The following B3GALT1 variants were observed in gnomAD, a reference collection of about 807,000 sequenced individuals.
B3GALT1 encodes UDP-Gal:betaGlcNAc beta 1,3-galactosyltransferase, polypeptide 1.
Under a neutral mutation model 23.2 loss-of-function variants are expected in B3GALT1, and 10 were observed. The ratio of observed to expected loss-of-function variants is 0.43; its 90% confidence interval spans 0.27 to 0.73. B3GALT1 has a LOEUF of 0.73. Among genes scored for constraint, B3GALT1 ranks in the 30% least tolerant of loss-of-function variants. B3GALT1 has a pLI of 0.21. For missense variants in B3GALT1, 299 were observed against 405.4 expected, an observed-to-expected ratio of 0.74 and a Z score of 2.25; for synonymous variants, 156 against 141.5, an observed-to-expected ratio of 1.10 and a Z score of -0.73.
chr2:167,856,604 G>C (rs1271130874), intron 4 of B3GALT1, among the ~76,000 whole-genome samples: 2 of 152,152 alleles, frequency 1.3e-5, no homozygotes, highest in African/African-American at 4.8e-5. Flanking sequence ...AAGCGGGAGT[G>C]AAAGAAGAGA....
At chr2:167,867,144 T>G (rs570936729) in intron 4 of B3GALT1, among the ~76,000 whole-genome samples, 1 of 152,166 alleles carries the variant, frequency 6.6e-6, no homozygotes, top group African/African-American at 2.4e-5. Context: ...GCCAGGATGG[T>G]CTCGATCTCC....
intron 2 of B3GALT1, among the ~76,000 whole-genome samples, chr2:167,556,074 T>C (rs1481222441): frequency 1.3e-5 from 2 of 152,166 alleles, no homozygotes; most frequent in Non-Finnish European, 2.9e-5. Flanking sequence ...TATTACTGAC[T>C]TGTGAATTGC....
At chr2:167,715,973 T>G in intron 3 of B3GALT1, 2 of 1,612,632 alleles carry the variant, frequency 1.2e-6, no homozygotes, top group Non-Finnish European at 1.7e-6. Flanking sequence ...TCGAATCTTG[T>G]CTCATACTCT....
At chr2:167,375,718 A>T (rs1372060595) in intron 1 of B3GALT1, among the ~76,000 whole-genome samples, 1 of 152,174 alleles carries the variant, frequency 6.6e-6, no homozygotes, top group Non-Finnish European at 1.5e-5. Flanking sequence ...AAAAGTGTTT[A>T]TCAGTTCTAA....
At chr2:167,798,665 A>G (rs190906747) in intron 3 of B3GALT1, among the ~76,000 whole-genome samples, 2 of 152,206 alleles carry the variant, frequency 1.3e-5, no homozygotes. Flanking sequence ...TACCAGTTCC[A>G]TGCTGTTTTG....
chr2:167,474,468 TCTGTATTGTTA>T (rs1358896879), intron 1 of B3GALT1, among the ~76,000 whole-genome samples: 1 of 152,144 alleles, frequency 6.6e-6, no homozygotes. Context: ...TTGTCTCTGG[TCTGTATTGTTA>T]CTGTCTTATC....
intron 2 of B3GALT1, among the ~76,000 whole-genome samples, chr2:167,549,621 G>T (rs1229014727): frequency 6.6e-6 from 1 of 151,992 alleles, no homozygotes; most frequent in East Asian, 1.9e-4. Context: ...CCCTTCCTTG[G>T]TGTGGAGACA....
At position 167,713,833 on chromosome 2, in the gene B3GALT1, A is replaced by T; in HGVS notation, c.-352+66867A>T. 4 of 1,592,978 alleles carry T rather than the reference A, an allele frequency of 2.5e-6. No homozygotes were observed. In the South Asian group the frequency reaches 4.4e-5, roughly 18 times the overall value. ...AGATGTTTCTCATTGCAAATGGAGC[A>T]TGTGGTGGACCTGGGAAATCCCTTG... On this transcript the variant is annotated intron_variant, in intron 3 of 4. Transcript: ENST00000392690.
chr2:167,669,082 G>A (rs559758107), intron 3 of B3GALT1, among the ~76,000 whole-genome samples: 20 of 151,650 alleles, frequency 1.3e-4, no homozygotes, highest in Non-Finnish European at 2.1e-4. Flanking sequence ...TATTTTTTCC[G>A]CAAAACATGT....
At chr2:167,514,682 C>T (rs1700076026) in intron 2 of B3GALT1, among the ~76,000 whole-genome samples, 1 of 152,140 alleles carries the variant, frequency 6.6e-6, no homozygotes, top group Non-Finnish European at 1.5e-5. Flanking sequence ...AAATAAACTG[C>T]ACAGAATAAT....
chr2:167,338,718 A>G (rs1337749757), intron 1 of B3GALT1, among the ~76,000 whole-genome samples: 2 of 152,126 alleles, frequency 1.3e-5, no homozygotes, highest in Non-Finnish European at 2.9e-5. Context: ...AAATATATAT[A>G]AGCCATAATG....
intron 3 of B3GALT1, among the ~76,000 whole-genome samples, chr2:167,735,517 T>C (rs767981551): frequency 8.5e-5 from 13 of 152,250 alleles, no homozygotes; most frequent in Non-Finnish European, 4.4e-5. Context: ...TTTGATAATG[T>C]GTAGAATAAT....
chr2:167,455,027 C>T (rs896667951), intron 1 of B3GALT1, among the ~76,000 whole-genome samples: 2 of 152,166 alleles, frequency 1.3e-5, no homozygotes, highest in Non-Finnish European at 2.9e-5. Flanking sequence ...AAATGCCAAG[C>T]CTTTAGTTCA....
chr2:167,343,502 C>T (rs1479259751), intron 1 of B3GALT1, among the ~76,000 whole-genome samples: 2 of 152,102 alleles, frequency 1.3e-5, no homozygotes, highest in African/African-American at 4.8e-5. Flanking sequence ...GATGGCTAAG[C>T]AATGTCAGAA....
At chr2:167,516,269 T>A (rs1325193732) in intron 2 of B3GALT1, among the ~76,000 whole-genome samples, 2 of 152,134 alleles carry the variant, frequency 1.3e-5, no homozygotes, top group Admixed American at 1.3e-4. Flanking sequence ...ATTTAAGAAC[T>A]TACCAATGGC....
rs369205689 is a variant in B3GALT1, at chr2:167,832,156, T to C, written c.-230+13363T>C. 2.0e-5 allele frequency among the ~76,000 whole-genome samples: 3 copies of C among 152,336 alleles called. No homozygotes were observed. The South Asian group carries it at 6.2e-4, about 32-fold the overall frequency. ...GAATCCTGGCTCTCCTGAAGTGCCA[T>C]AGAGAGCTGCTGATGTTCAACCATT... On this transcript the variant is annotated intron_variant, in intron 4 of 4. Coordinates refer to ENST00000392690, the MANE Select transcript of B3GALT1 (RefSeq NM_020981.4).
intron 3 of B3GALT1, among the ~76,000 whole-genome samples, chr2:167,688,628 A>T (rs530782880): frequency 1.8e-4 from 28 of 152,258 alleles, no homozygotes; most frequent in Admixed American, 6.5e-4. Flanking sequence ...ATCAACTAAA[A>T]AAAATGAACA....
At chr2:167,491,483 C>CTTTTTTTTTTTTTTT (rs35378344) in intron 2 of B3GALT1, among the ~76,000 whole-genome samples, 1 of 122,024 alleles carries the variant, frequency 8.2e-6, no homozygotes, top group Admixed American at 8.3e-5. Flanking sequence ...TTTACTTTTG[C>CTTTTTTTTTTTTTTT]TTTTTTTTTT....
At chr2:167,551,661 C>G (rs1449875123) in intron 2 of B3GALT1, among the ~76,000 whole-genome samples, 1 of 152,150 alleles carries the variant, frequency 6.6e-6, no homozygotes, top group South Asian at 2.1e-4. Flanking sequence ...GTGCAGTCAT[C>G]TCCAGTCTGA....
Sources: allele counts gnomAD v4.1 joint callset (sites outside exome capture counted in the v4.1 genomes callset), GRCh38; gene constraint gnomAD v4.1.1; transcripts MANE v1.5; gene names NCBI Gene and HGNC (gene_info 2026-07-23, HGNC 2026-07-21).